Variants in NEB observed in about 807,000 individuals in gnomAD.
NEB encodes nemaline myopathy type 2.
In NEB, 512 loss-of-function variants were observed where a neutral mutation model predicts 952.2. The ratio of observed to expected loss-of-function variants is 0.54; its 90% CI spans 0.50 to 0.58. NEB has a LOEUF of 0.58. Ranked by LOEUF, NEB falls within the 20% of genes least tolerant of loss-of-function variation. NEB has a pLI of 0.00. For missense variants in NEB, 8,428 were observed against 9,231.1 expected (o/e 0.91, Z 3.56); for synonymous variants, 2,900 against 3,149.8 (o/e 0.92, Z 2.66).
Position 151,541,490 on chromosome 2 carries a change from G to A in NEB, c.20639C>T (p.Pro6880Leu). ...KSIFTSVPDT[P>L]DLLRAKRGQK... is the part of the protein sequence containing the mutation. ...CCCTCGCTTGGCTCTTAAAAGATCA[G>A]GAGTATCAGGAACTGAAGTAAAGAT... Residue 6880 changes from proline (P) to leucine (L), a missense_variant, in exon 136 of 182, where the codon CCT becomes CTT. Physicochemically the swap from Pro to Leu is moderately conservative, Grantham distance 98 (BLOSUM62 -3). Transcript: ENST00000397345. 1.2e-6 allele frequency: 2 copies of A among 1,613,434 alleles called. No individual in the cohort carries two copies. Among genetic ancestry groups the A allele is most frequent in the Non-Finnish European group, 1.7e-6 (2 of 1,179,576 alleles).
chr2:151,550,716 C>A (rs2095268244), intron 129 of NEB, among the ~76,000 whole-genome samples: 1 of 152,146 alleles, frequency 6.6e-6, no homozygotes, highest in Non-Finnish European at 1.5e-5. Context: ...CAGTTCACTG[C>A]ATCCTTGACC....
In NEB at chr2:151,505,525, G is replaced by C; in HGVS notation, c.23695C>G (p.Leu7899Val). Residue 7899 changes from leucine to valine, a missense_variant, in exon 165 of 182, where the codon CTG becomes GTG. Around this residue, in one of 11 missense-constraint regions of NEB, gnomAD observed 3,374 missense variants for 3,651.5 expected, o/e 0.92. Transcript: ENST00000397345. ...AIGQGTPIPD[L>V]PEVKRVKETQ... ...TCCTTCACACGTTTCACTTCAGGCA[G>C]GTCAGGGATTGGAGTTCCTTGTCCT... is the stretch of plus-strand genomic sequence containing the variant. 6.2e-7 allele frequency: 1 copy of C among 1,613,798 alleles called. No homozygotes were observed. Among genetic ancestry groups the C allele is most frequent in the Non-Finnish European group, 8.5e-7 (1 of 1,179,730 alleles).
chr2:151,661,993 TAACGACAAGA>T, intron 46 of NEB, 132 bp downstream of exon 46: 3 of 649,258 alleles, frequency 4.6e-6, no homozygotes, highest in Non-Finnish European at 5.0e-6. Flanking sequence ...TTTTTTTTTT[TAACGACAAGA>T]CTCTTTTTCT....
rs1045400787 is a variant in NEB, at chr2:151,567,018, T to G, written c.18156+150A>C. Reference sequence around the variant, plus strand: ...CCAATCAATCCATCACTGCTCCTGATCTTTCTTCATATCCAGCCTCAATTC... The same window carrying G: ...CCAATCAATCCATCACTGCTCCTGAGCTTTCTTCATATCCAGCCTCAATTC... On this transcript the variant is annotated intron_variant, in intron 114 of 181. Transcript: ENST00000397345. The G allele has an allele frequency of 4.4e-6, 3 of 674,370 alleles. No individual in the cohort carries two copies. The African/African-American group carries it at 5.4e-5, about 12-fold the overall frequency. The allele number at this position is 674,370 out of a possible 1,614,324, so 41.8% of individuals were successfully genotyped here.
At position 151,673,913 on chromosome 2, in the gene NEB, C is replaced by T. The variant is rs1042176092; in HGVS notation, c.3987+564G>A. On this transcript the variant is annotated intron_variant, in intron 36 of 181. Transcript: ENST00000397345. ...CATTCGATCTCCTGACCTCGTGATCCGCTCTTCTGAAATTTTGGCCAGGCG... is the reference window on the plus strand; with the variant it reads ...CATTCGATCTCCTGACCTCGTGATCTGCTCTTCTGAAATTTTGGCCAGGCG... Among the ~76,000 whole-genome samples the T allele has an allele frequency of 4.6e-5, 7 of 151,646 alleles. No homozygotes were observed. In the South Asian group the frequency reaches 6.2e-4, roughly 14 times the overall value.
chr2:151,689,895 G>A (rs2099534183), intron 24 of NEB: 1 of 152,082 alleles, frequency 6.6e-6, no homozygotes, highest in Non-Finnish European at 1.5e-5. Flanking sequence ...TTACTAATTG[G>A]GTATGAGCTA....
intron 54 of NEB, among the ~76,000 whole-genome samples, chr2:151,649,471 G>A (rs998216595): frequency 7.9e-5 from 12 of 152,070 alleles, no homozygotes; most frequent in Admixed American, 3.9e-4. Flanking sequence ...AATAACAGAC[G>A]GTTATTATAT....
At chr2:151,710,632 T>G in intron 10 of NEB, 94 bp from the exon 11 acceptor site, 1 of 764,842 alleles carries the variant, frequency 1.3e-6, no homozygotes, top group Non-Finnish European at 2.0e-6. Flanking sequence ...TTTAAAAATA[T>G]CTTCAGCAAG....
At chr2:151,729,692 C>G in intron 3 of NEB, 36 bp from the exon 4 acceptor site, 1 of 1,608,630 alleles carries the variant, frequency 6.2e-7, no homozygotes, top group South Asian at 1.1e-5. Context: ...GCAAGAGAAC[C>G]AAAGCAGAAA....
Position 151,664,490 on chromosome 2 carries a change from C to A in NEB, c.5451+11G>T. On this transcript the variant is annotated intron_variant, in intron 44 of 181. Transcript: ENST00000397345. ...TGCTCAACCCCAAAAAGGCCCAGTGCAAGCACTTACATCACTGGCAATGTC... is the reference window on the plus strand; with the variant it reads ...TGCTCAACCCCAAAAAGGCCCAGTGAAAGCACTTACATCACTGGCAATGTC... 1.3e-6 allele frequency: 2 copies of A among 1,559,692 alleles called. No individual in the cohort carries two copies. The highest frequency in any genetic ancestry group is 1.7e-6 in the Non-Finnish European group (2 of 1,155,164).
At chr2:151,549,808 T>A in intron 129 of NEB, 68 bp from the exon 130 acceptor site, 2 of 874,476 alleles carry the variant, frequency 2.3e-6, no homozygotes, top group Non-Finnish European at 3.7e-6. Context: ...GCTTAACAAA[T>A]CACATATAGC....
chr2:151,706,991 A>G lies in NEB; in HGVS notation c.1042T>C (p.Tyr348His). The G allele has an allele frequency of 6.4e-7, 1 of 1,566,760 alleles. No individual in the cohort carries two copies. Among genetic ancestry groups the G allele is most frequent in the African/African-American group, 1.3e-5 (1 of 74,320 alleles). The change falls in exon 13 of 182, where the codon TAC becomes CAC. Residue 348 changes from tyrosine to histidine, a missense_variant. Tyr to His is a moderately conservative substitution (Grantham distance 83). Transcript: ENST00000397345. Reference protein sequence around the residue: ...KAGVAASKVKYKEDYEKNKGK... With the variant: ...KAGVAASKVKHKEDYEKNKGK... ...TTATTCTTTTCATAGTCTTCTTTGT[A>G]TTTTACCTGTAGGAGTGAAATAAAA...
In NEB at chr2:151,644,530, C is replaced by T. The variant is rs369496057; in HGVS notation, c.7582G>A (p.Asp2528Asn). Residue 2528 changes from aspartate (D) to asparagine (N), a missense_variant, in exon 56 of 182, where the codon GAT (aspartate) becomes AAT (asparagine). Around this residue, in one of 11 missense-constraint regions of NEB, gnomAD observed 1,772 missense variants for 1,960.3 expected, o/e 0.90. Transcript: ENST00000397345. ...ATTGGTATGGCATCAACAGGAAGAT[C>T]GTAACCTTTTCTCTTCAGCTCCTCA... ...GYEELKRKGY[D>N]LPVDAIPIKA... is the part of the protein sequence containing the mutation. 44 of 1,613,772 alleles carry T rather than the reference C, an allele frequency of 2.7e-5. 1 individual carries two copies. Among genetic ancestry groups the T allele is most frequent in the African/African-American group, 6.7e-5 (5 of 74,918 alleles).
chr2:151,723,988 G>A (rs904868382), intron 8 of NEB, among the ~76,000 whole-genome samples: 6 of 151,922 alleles, frequency 3.9e-5, no homozygotes, highest in African/African-American at 1.5e-4. Context: ...TCTCTCAGCT[G>A]GTTCTCCAGA....
intron 27 of NEB, among the ~76,000 whole-genome samples, chr2:151,686,999 T>C (rs1237585817): frequency 1.3e-5 from 2 of 152,142 alleles, no homozygotes; most frequent in South Asian, 2.1e-4. Flanking sequence ...ACCAAACTCA[T>C]TACTAAAGTC....
chr2:151,497,849 T>C (rs1429844658), intron 170 of NEB, 131 bp from the exon 171 acceptor site: 3 of 1,517,806 alleles, frequency 2.0e-6, no homozygotes, highest in African/African-American at 2.8e-5. Flanking sequence ...TGCCACCGAC[T>C]ACTTTAGTGG....
chr2:151,718,188 C>A (rs1170756164), intron 9 of NEB, among the ~76,000 whole-genome samples: 1 of 152,088 alleles, frequency 6.6e-6, no homozygotes, highest in African/African-American at 2.4e-5. Flanking sequence ...ATGCTGAATG[C>A]CACAGAAGAA....
At chr2:151,578,354 T>C (rs2096957813) in intron 105 of NEB, among the ~76,000 whole-genome samples, 1 of 149,730 alleles carries the variant, frequency 6.7e-6, no homozygotes, top group Non-Finnish European at 1.5e-5. Flanking sequence ...GGTCCTGCCC[T>C]TCTTTGATTC....
At chr2:151,569,428 G>C (rs1258068629) in intron 109 of NEB, 56 bp from the exon 110 acceptor site, 2 of 1,307,630 alleles carry the variant, frequency 1.5e-6, no homozygotes, top group Non-Finnish European at 2.2e-6. Context: ...GTCCTAGTTA[G>C]CCTATCCATT....
Sources: gnomAD v4.1 joint callset for allele counts (sites outside exome capture counted in the v4.1 genomes callset) on GRCh38, gnomAD v4.1.1 for gene constraint, gnomAD v4.1.1 regional missense constraint, MANE v1.5 for transcripts, NCBI Gene and HGNC (gene_info 2026-07-23, HGNC 2026-07-21) for gene names.